Variants in C1QTNF3 observed in about 807,000 individuals in gnomAD.
The protein encoded by C1QTNF3 is complement C1q tumor necrosis factor-related protein 3.
C1QTNF3 carries 26 observed loss-of-function variants against 32.6 expected under a neutral mutation model. The observed-to-expected ratio is 0.80, with a 90% CI of 0.58 to 1.11. The LOEUF is 1.11. Ranked by LOEUF, C1QTNF3 falls within the 50% of genes least tolerant of loss-of-function variation. The pLI, the probability that C1QTNF3 is intolerant of heterozygous loss-of-function variation, is 0.00. For synonymous variants in C1QTNF3, 155 were observed against 146.0 expected (o/e 1.06, Z -0.44); for missense variants, 362 against 398.2 (o/e 0.91, Z 0.77).
the C1QTNF3 span, chr5:34,166,008 T>A: frequency 1.4e-4 from 20 of 147,912 alleles, no homozygotes; most frequent in East Asian, 3.1e-3. Flanking sequence ...GTCATCTTCA[T>A]TGACTATGAT....
chr5:34,157,503 T>C, the C1QTNF3 span, among the ~76,000 whole-genome samples: 2 of 152,320 alleles, frequency 1.3e-5, no homozygotes, highest in African/African-American at 4.8e-5. Context: ...ACCTGCCATG[T>C]TGAATGAGAT....
Position 34,020,405 on chromosome 5 carries a change from T to A in C1QTNF3, c.*178A>T. The A allele has an allele frequency of 1.4e-6, 1 of 700,022 alleles. No individual in the cohort carries two copies. The highest frequency in any genetic ancestry group is 2.4e-6 in the Non-Finnish European group (1 of 420,692). The allele number at this position is 700,022 out of a possible 1,614,324, so 43.4% of individuals were successfully genotyped here. On this transcript the variant is annotated 3_prime_UTR_variant, in exon 6 of 6. Transcript: ENST00000382065. ...TCTGAGAAGACTATTTTGTGGTTGA[T>A]TCTTCTGAGCCCCTGAATTGTCCAA... is the stretch of plus-strand genomic sequence containing the variant.
chr5:34,158,477 A>T, the C1QTNF3 span: 1 of 152,164 alleles, frequency 6.6e-6, no homozygotes, highest in Non-Finnish European at 1.5e-5. Flanking sequence ...TTTTACAAAC[A>T]TACAAACCTT....
At chr5:34,035,924 G>C (rs2112116532) in intron 1 of C1QTNF3, among the ~76,000 whole-genome samples, 166 bp from the exon 2 acceptor site, 2 of 151,756 alleles carry the variant, frequency 1.3e-5, no homozygotes, top group Middle Eastern at 6.8e-3. Context: ...AAGGGTCAGG[G>C]AGTAGCTAAG....
the C1QTNF3 span, among the ~76,000 whole-genome samples, chr5:34,183,229 G>A: frequency 6.6e-6 from 1 of 151,928 alleles, no homozygotes; most frequent in Non-Finnish European, 1.5e-5. Context: ...CGCCTGCCTC[G>A]GCCTCCCAAA....
At chr5:34,119,257 T>C in the C1QTNF3 span, among the ~76,000 whole-genome samples, 3 of 152,186 alleles carry the variant, frequency 2.0e-5, no homozygotes, top group Non-Finnish European at 4.4e-5. Context: ...ATCTACCTCA[T>C]AGTGCTAAAA....
the C1QTNF3 span, among the ~76,000 whole-genome samples, chr5:34,134,833 G>T: frequency 6.6e-6 from 1 of 152,196 alleles, no homozygotes; most frequent in Non-Finnish European, 1.5e-5. Context: ...TGGAGACGAT[G>T]AGGTTTTCTA....
chr5:34,028,296 A>AT (rs1754528823), intron 4 of C1QTNF3, among the ~76,000 whole-genome samples: 1 of 152,176 alleles, frequency 6.6e-6, no homozygotes, highest in Non-Finnish European at 1.5e-5. Context: ...AAGTAAATGT[A>AT]TTACCTGCTC....
intron 4 of C1QTNF3, 121 bp downstream of exon 4, chr5:34,028,633 C>A: frequency 1.2e-6 from 1 of 822,932 alleles, no homozygotes; most frequent in Non-Finnish European, 1.7e-6. Flanking sequence ...TTTCCTACTC[C>A]CTTCCTCCTT....
chr5:34,200,703 A>C, the C1QTNF3 span: 2 of 152,272 alleles, frequency 1.3e-5, no homozygotes, highest in South Asian at 4.1e-4. Context: ...TTGTCCTTCT[A>C]GTTTTATTTC....
At chr5:34,221,680 G>A in the C1QTNF3 span, among the ~76,000 whole-genome samples, 1 of 152,076 alleles carries the variant, frequency 6.6e-6, no homozygotes, top group Non-Finnish European at 1.5e-5. Context: ...TATTTCAACA[G>A]TGACAGTAAT....
the C1QTNF3 span, among the ~76,000 whole-genome samples, chr5:34,157,864 C>T: frequency 1.3e-5 from 2 of 152,130 alleles, no homozygotes; most frequent in African/African-American, 4.8e-5. Context: ...GAACTTTTCT[C>T]GTTGTAAGCT....
intron 2 of C1QTNF3, among the ~76,000 whole-genome samples, chr5:34,034,881 G>A (rs760914553): frequency 9.9e-5 from 15 of 152,258 alleles, no homozygotes; most frequent in Admixed American, 5.2e-4. Flanking sequence ...TGTGCAAGAA[G>A]CTACTCAAAA....
the C1QTNF3 span, among the ~76,000 whole-genome samples, chr5:34,225,826 G>C: frequency 6.6e-6 from 1 of 151,534 alleles, no homozygotes; most frequent in Non-Finnish European, 1.5e-5. Flanking sequence ...TATCATTAAA[G>C]ATTTGGTTGC....
upstream of C1QTNF3, among the ~76,000 whole-genome samples, chr5:34,047,424 C>G (rs575510785): frequency 6.6e-6 from 1 of 152,310 alleles, no homozygotes; most frequent in East Asian, 1.9e-4. Context: ...TGGCCTCCCC[C>G]ATGGTGCTTC....
chr5:34,033,300 T>G lies in C1QTNF3; in HGVS notation c.570+4A>C. Reference sequence around the variant, plus strand: ...CACCAGGAGATGTACCGAGGATGGTTTACCTGAAGTTCTGGTGGAATCCCC... The same window carrying G: ...CACCAGGAGATGTACCGAGGATGGTGTACCTGAAGTTCTGGTGGAATCCCC... On this transcript the variant is annotated splice_donor_region_variant and intron_variant, in intron 3 of 5. Transcript: ENST00000382065. 6.2e-7 allele frequency: 1 copy of G among 1,613,528 alleles called. No individual in the cohort carries two copies. The highest frequency in any genetic ancestry group is 1.1e-5 in the South Asian group (1 of 91,000).
the C1QTNF3 span, among the ~76,000 whole-genome samples, chr5:34,212,586 T>C: frequency 2.6e-5 from 4 of 151,928 alleles, no homozygotes; most frequent in Non-Finnish European, 4.4e-5. Context: ...CATCAAAAAG[T>C]TGGCAAAGGA....
chr5:34,200,687 C>A, the C1QTNF3 span: 4 of 152,106 alleles, frequency 2.6e-5, no homozygotes, highest in Non-Finnish European at 4.4e-5. Flanking sequence ...ACCCACAAAT[C>A]TCTACTTGTC....
At chr5:34,116,378 T>A in the C1QTNF3 span, among the ~76,000 whole-genome samples, 5 of 152,192 alleles carry the variant, frequency 3.3e-5, no homozygotes, top group African/African-American at 1.2e-4. Flanking sequence ...ATCTTTTTCT[T>A]TATTGATCTG....
Sources: gnomAD v4.1 joint callset for allele counts (sites outside exome capture counted in the v4.1 genomes callset) on GRCh38, gnomAD v4.1.1 for gene constraint, MANE v1.5 for transcripts, NCBI Gene and HGNC (gene_info 2026-07-23, HGNC 2026-07-21) for gene names.